The following DCLRE1A variants were observed in gnomAD, a reference collection of about 807,000 sequenced individuals.
DCLRE1A encodes the protein DNA cross-link repair 1A protein.
DCLRE1A carries 64 observed loss-of-function variants against 91.9 expected under a neutral mutation model. The observed-to-expected ratio is 0.70, with a 90% CI of 0.57 to 0.86. DCLRE1A has a LOEUF of 0.86. Among genes scored for constraint, DCLRE1A ranks in the 40% least tolerant of loss-of-function variants. The probability of loss-of-function intolerance (pLI) is 0.00; values close to 1 mark genes in which losing one functional copy is unlikely to be tolerated. For synonymous variants in DCLRE1A, 416 were observed against 431.1 expected (o/e 0.96, Z 0.43); for missense variants, 1,145 against 1,213.3 (o/e 0.94, Z 0.84).
chr10:113,840,503 A>G (rs983351685), intron 7 of DCLRE1A, among the ~76,000 whole-genome samples: 3 of 151,948 alleles, frequency 2.0e-5, no homozygotes, highest in African/African-American at 7.3e-5. Flanking sequence ...TTCATTACCT[A>G]TTTTTCAGAT....
At chr10:113,839,379 G>A (rs993297085) in intron 7 of DCLRE1A, among the ~76,000 whole-genome samples, 1 of 144,770 alleles carries the variant, frequency 6.9e-6, no homozygotes, top group Admixed American at 6.9e-5. Context: ...TTGGGTAAAT[G>A]AGGGACAGGG....
intron 4 of DCLRE1A, among the ~76,000 whole-genome samples, chr10:113,844,472 A>G (rs1845498926): frequency 6.6e-6 from 1 of 152,204 alleles, no homozygotes; most frequent in African/African-American, 2.4e-5. Flanking sequence ...TCCCAAGAAA[A>G]GCATGTCTTC....
At chr10:113,847,712 G>A (rs1177487528) in intron 2 of DCLRE1A, among the ~76,000 whole-genome samples, 2 of 151,984 alleles carry the variant, frequency 1.3e-5, no homozygotes, top group African/African-American at 4.8e-5. Flanking sequence ...AATGGGGGCA[G>A]TATTGATCTA....
At position 113,847,181 on chromosome 10, in the gene DCLRE1A, A is replaced by G. The variant is rs201862123; in HGVS notation, c.2259+21T>C. On this transcript the variant is annotated intron_variant, in intron 3 of 8. Coordinates refer to ENST00000361384, the MANE Select transcript of DCLRE1A (RefSeq NM_014881.5). The stretch of plus-strand genomic sequence containing the variant: ...ATTCACAGCATTCTACAAAGTCAAA[A>G]GTTAGAATACTAAAACTTACCTCAC... 35 of 1,573,084 alleles carry G rather than the reference A, an allele frequency of 2.2e-5. No individual in the cohort carries two copies. In the East Asian group the frequency reaches 7.9e-4, roughly 35 times the overall value.
rs148054632 is a variant in DCLRE1A at position 113,841,025 on chromosome 10, T to C, written c.2820+381A>G. 5.4e-3 allele frequency among the ~76,000 whole-genome samples: 825 copies of C among 152,320 alleles called. 5 individuals are homozygous for C. Among genetic ancestry groups the C allele is most frequent in the African/African-American group, 0.019 (790 of 41,570 alleles). On this transcript the variant is annotated intron_variant, in intron 7 of 8. Coordinates refer to ENST00000361384, the MANE Select transcript of DCLRE1A (RefSeq NM_014881.5). The stretch of plus-strand genomic sequence containing the variant: ...TCAATCTAGAAAGGCTTAATATTAA[T>C]ACAGAATAGAATAGACCTGAAGTAA...
At chr10:113,850,708 A>G in intron 1 of DCLRE1A, 64 bp from the exon 2 acceptor site, 1 of 1,335,038 alleles carries the variant, frequency 7.5e-7, no homozygotes, top group Non-Finnish European at 1.0e-6. Context: ...TGACAACATT[A>G]GCAGTATAAA....
At chr10:113,835,924 A>G (rs1845354881) in intron 8 of DCLRE1A, among the ~76,000 whole-genome samples, 1 of 151,838 alleles carries the variant, frequency 6.6e-6, no homozygotes, top group African/African-American at 2.4e-5. Context: ...ACACAGCAAG[A>G]CTCTTGTCTC....
rs17228876 is a variant in DCLRE1A at position 113,837,283 on chromosome 10, T to C, written c.2821-80A>G. ...AACAGACTGATTAAAGATGTTATACTGGCACAGGCATGGGGAGTTTTCATT... is the reference window on the plus strand; with the variant it reads ...AACAGACTGATTAAAGATGTTATACCGGCACAGGCATGGGGAGTTTTCATT... On this transcript the variant is annotated intron_variant, in intron 7 of 8. Coordinates refer to ENST00000361384, the MANE Select transcript of DCLRE1A (RefSeq NM_014881.5). 3.7e-6 allele frequency: 5 copies of C among 1,357,178 alleles called. No individual in the cohort carries two copies. The East Asian group carries it at 1.2e-4, about 33-fold the overall frequency. 84.1% of individuals were successfully genotyped at this position (1,357,178 alleles called of 1,614,324 possible).
At chr10:113,850,884 C>T (rs1845638810) in intron 1 of DCLRE1A, among the ~76,000 whole-genome samples, 1 of 152,070 alleles carries the variant, frequency 6.6e-6, no homozygotes, top group Non-Finnish European at 1.5e-5. Flanking sequence ...AAACTATTCC[C>T]TATCATACTA....
Position 113,849,575 on chromosome 10 carries a change from T to TA in DCLRE1A, c.1529dup (p.Leu510PhefsTer8), listed in dbSNP as rs1205477533. 6.2e-7 allele frequency: 1 copy of TA among 1,614,016 alleles called. No individual in the cohort carries two copies. The highest frequency in any genetic ancestry group is 8.5e-7 in the Non-Finnish European group (1 of 1,180,024). On this transcript the variant is annotated frameshift_variant, in exon 2 of 9. Coordinates refer to ENST00000361384, the MANE Select transcript of DCLRE1A (RefSeq NM_014881.5). LOFTEE classifies it high-confidence loss of function. ...TAGCTTTACCAACTGGCACACCCTC[T>TA]AATGCCTTTCTGCAGAAACATGCTG...
rs1845683493 is a variant in DCLRE1A, at chr10:113,852,985, G to A, written c.198C>T (p.Pro66=). 1.2e-6 allele frequency: 2 copies of A among 1,613,988 alleles called. No individual in the cohort carries two copies. The highest frequency in any genetic ancestry group is 1.3e-5 in the African/African-American group (1 of 74,878). ...AAGTCTGACAACCTGCATTTCCAAG[G>A]GGCACTTCATGGTCCTTCACCTCTT... ...EAKEVKDHEV[P]LGNAGCQTSV... The change falls in exon 1 of 9, where the codon CCC becomes CCT. Residue 66 remains proline (P), a synonymous_variant. Coordinates refer to ENST00000361384, the MANE Select transcript of DCLRE1A (RefSeq NM_014881.5).
At chr10:113,841,369 T>C in intron 7 of DCLRE1A, 37 bp downstream of exon 7, 2 of 1,594,238 alleles carry the variant, frequency 1.3e-6, no homozygotes, top group Non-Finnish European at 1.7e-6. Context: ...ATTACCTTTT[T>C]TGTTCATCCT....
At chr10:113,835,585 C>T (rs992632828) in intron 8 of DCLRE1A, among the ~76,000 whole-genome samples, 3 of 152,064 alleles carry the variant, frequency 2.0e-5, no homozygotes, top group African/African-American at 2.4e-5. Context: ...GGGGGAGGGG[C>T]CTGGTGGGAG....
intron 7 of DCLRE1A, among the ~76,000 whole-genome samples, chr10:113,839,870 A>G (rs1017454783): frequency 6.6e-6 from 1 of 152,130 alleles, no homozygotes; most frequent in African/African-American, 2.4e-5. Flanking sequence ...GGAAACATAC[A>G]GACTTGACGA....
rs563293540 is a variant in DCLRE1A, at chr10:113,850,696, T to A, written c.461-52A>T. ...TACACGATCAAAGCATAGACTAAGC[T>A]TTGACAACATTAGCAGTATAAATTG... On this transcript the variant is annotated intron_variant, in intron 1 of 8. Coordinates refer to ENST00000361384, the MANE Select transcript of DCLRE1A (RefSeq NM_014881.5). The A allele has an allele frequency of 2.9e-6, 4 of 1,398,960 alleles. No homozygotes were observed. In the African/African-American group the frequency reaches 5.8e-5, roughly 20 times the overall value. The allele number at this position is 1,398,960 out of a possible 1,614,324, so 86.7% of individuals were successfully genotyped here.
chr10:113,837,085 G>C lies in DCLRE1A; in HGVS notation c.2939C>G (p.Thr980Ser), dbSNP rs768510257. Residue 980 changes from threonine to serine, a missense_variant, in exon 8 of 9, where the codon ACC becomes AGC. Physicochemically the swap from Thr to Ser is moderately conservative, Grantham distance 58 (BLOSUM62 1). Transcript: ENST00000361384. The part of the protein sequence containing the change: ...FTRIADVIPQ[T>S]KGNISIYGIP... ...ACCATATATTGAAATGTTTCCTTTGGTCTGGGGAATAACATCTGCTATTCT... is the reference window on the plus strand; with the variant it reads ...ACCATATATTGAAATGTTTCCTTTGCTCTGGGGAATAACATCTGCTATTCT... 1 of 1,610,194 alleles carries C rather than the reference G, an allele frequency of 6.2e-7. No homozygotes were observed. The highest frequency in any genetic ancestry group is 8.5e-7 in the Non-Finnish European group (1 of 1,178,386).
chr10:113,849,789 T>C lies in DCLRE1A; in HGVS notation c.1316A>G (p.Gln439Arg). ...KPDEPEFHSAQSNKQKQVIEE... is the reference protein window; with the variant it reads ...KPDEPEFHSARSNKQKQVIEE... ...AATTACCTGTTTCTGTTTATTTGAT[T>C]GAGCTGAGTGAAATTCTGGCTCATC... Residue 439 changes from glutamine to arginine, a missense_variant, in exon 2 of 9, where the codon CAA becomes CGA. Physicochemically the swap from Gln to Arg is conservative, Grantham distance 43. Coordinates refer to ENST00000361384, the MANE Select transcript of DCLRE1A (RefSeq NM_014881.5). The C allele has an allele frequency of 6.2e-7, 1 of 1,614,200 alleles. No individual in the cohort carries two copies. The highest frequency in any genetic ancestry group is 1.1e-5 in the South Asian group (1 of 91,088).
In DCLRE1A at chr10:113,850,062, T is replaced by A; in HGVS notation, c.1043A>T (p.His348Leu). 1 of 1,613,964 alleles carries A rather than the reference T, an allele frequency of 6.2e-7. No individual in the cohort carries two copies. Among genetic ancestry groups the A allele is most frequent in the South Asian group, 1.1e-5 (1 of 91,056 alleles). Residue 348 changes from histidine to leucine, a missense_variant, in exon 2 of 9, where the codon CAT becomes CTT. His to Leu is a moderately conservative substitution (Grantham distance 99, BLOSUM62 -3). Transcript: ENST00000361384. ...ATCCTGGTCCTTCAGTAAGGGACCATGTCGTTTTTTAAAAAAACCACAGCT... is the reference window on the plus strand; with the variant it reads ...ATCCTGGTCCTTCAGTAAGGGACCAAGTCGTTTTTTAAAAAAACCACAGCT... ...DDSCGFFKKR[H>L]GPLLKDQDES...
intron 1 of DCLRE1A, 86 bp from the exon 2 acceptor site, chr10:113,850,730 T>A: frequency 1.9e-6 from 2 of 1,079,374 alleles, no homozygotes; most frequent in Non-Finnish European, 2.6e-6. Context: ...TGGGTTCCAT[T>A]ATTTAATATC....
Sources: gnomAD v4.1 joint callset for allele counts (sites outside exome capture counted in the v4.1 genomes callset) on GRCh38, gnomAD v4.1.1 for gene constraint, MANE v1.5 for transcripts, NCBI Gene and HGNC (gene_info 2026-07-23, HGNC 2026-07-21) for gene names.